The following ZNF804B variants were observed in gnomAD, a reference collection of about 807,000 sequenced individuals.
ZNF804B encodes the protein zinc finger protein 804B.
A neutral mutation model predicts 101.4 loss-of-function variants in ZNF804B; 80 were observed. That is an observed-to-expected ratio of 0.79 (90% CI 0.66 to 0.95). ZNF804B has a LOEUF of 0.95. Ranked by LOEUF, ZNF804B falls within the 40% of genes least tolerant of loss-of-function variation. The probability of loss-of-function intolerance (pLI) is 0.00; values close to 1 mark genes in which losing one functional copy is unlikely to be tolerated. For missense variants in ZNF804B, 1,673 were observed against 1,561.9 expected (o/e 1.07, Z -1.20); for synonymous variants, 622 against 558.8 (o/e 1.11, Z -1.59).
chr7:89,263,783 C>G (rs1789744408), intron 2 of ZNF804B, among the ~76,000 whole-genome samples: 3 of 152,116 alleles, frequency 2.0e-5, no homozygotes, highest in Admixed American at 6.5e-5. Flanking sequence ...AGCCAAGGAA[C>G]TCCATTAACC....
intron 1 of ZNF804B, among the ~76,000 whole-genome samples, chr7:88,886,090 T>C (rs1042391500): frequency 5.3e-5 from 8 of 152,082 alleles, no homozygotes; most frequent in Admixed American, 1.3e-4. Flanking sequence ...ATGAACATAA[T>C]TTAGGAGACG....
rs548551826 is a variant in ZNF804B, at chr7:89,164,639, C to G, written c.109-53516C>G. On this transcript the variant is annotated intron_variant, in intron 1 of 3. Coordinates refer to ENST00000333190, the MANE Select transcript of ZNF804B (RefSeq NM_181646.5). Reference sequence around the variant, plus strand: ...CTGTCCACCATGTCTTTAAACAATACTGAAAATATGTTCCCATGTGTTTAC... The same window carrying G: ...CTGTCCACCATGTCTTTAAACAATAGTGAAAATATGTTCCCATGTGTTTAC... Among the ~76,000 whole-genome samples, 16 of 152,224 alleles carry G rather than the reference C, an allele frequency of 1.1e-4. No homozygotes were observed. In the East Asian group the frequency reaches 3.1e-3, roughly 29 times the overall value.
chr7:89,210,331 A>G (rs1242896737), intron 1 of ZNF804B, among the ~76,000 whole-genome samples: 1 of 152,140 alleles, frequency 6.6e-6, no homozygotes, highest in Non-Finnish European at 1.5e-5. Flanking sequence ...TAAATTTGCT[A>G]GCTTTATTTT....
intron 1 of ZNF804B, among the ~76,000 whole-genome samples, chr7:89,049,917 C>G (rs887983919): frequency 6.6e-6 from 1 of 152,112 alleles, no homozygotes; most frequent in African/African-American, 2.4e-5. Flanking sequence ...GAGGTTGAGG[C>G]AGGAGAATCA....
chr7:88,918,289 G>A (rs1792665646), intron 1 of ZNF804B, among the ~76,000 whole-genome samples: 3 of 152,012 alleles, frequency 2.0e-5, no homozygotes, highest in African/African-American at 7.2e-5. Context: ...AGAATTATTG[G>A]CACTATTTGA....
At chr7:88,858,060 T>C (rs900134134) in intron 1 of ZNF804B, among the ~76,000 whole-genome samples, 1 of 152,022 alleles carries the variant, frequency 6.6e-6, no homozygotes, top group Admixed American at 6.6e-5. Flanking sequence ...TGACCTCAGG[T>C]GATCTGCCCA....
intron 1 of ZNF804B, among the ~76,000 whole-genome samples, chr7:88,985,194 G>T (rs1163885057): frequency 6.7e-6 from 1 of 148,240 alleles, no homozygotes; most frequent in East Asian, 2.0e-4. Context: ...AAAAATTATT[G>T]AAAACTGGAT....
In ZNF804B at chr7:89,260,268, A is replaced by G. The variant is rs1398135500; in HGVS notation, c.249+41973A>G. On this transcript the variant is annotated intron_variant, in intron 2 of 3. Coordinates refer to ENST00000333190, the MANE Select transcript of ZNF804B (RefSeq NM_181646.5). ...AAACCCAAGTGCATTTACAGTAAAC[A>G]GTAAAGTTAGCCTATCCCTTCTTGT... is the stretch of plus-strand genomic sequence containing the variant. Among the ~76,000 whole-genome samples, 10 of 152,300 alleles carry G rather than the reference A, an allele frequency of 6.6e-5. No homozygotes were observed. In the South Asian group the frequency reaches 8.3e-4, roughly 13 times the overall value.
At chr7:88,888,071 C>T (rs910199095) in intron 1 of ZNF804B, among the ~76,000 whole-genome samples, 7 of 152,046 alleles carry the variant, frequency 4.6e-5, no homozygotes, top group African/African-American at 1.7e-4. Flanking sequence ...AGATGGACAT[C>T]ATTATGCCCA....
At chr7:89,252,028 A>C (rs571938569) in intron 2 of ZNF804B, among the ~76,000 whole-genome samples, 19 of 152,286 alleles carry the variant, frequency 1.2e-4, no homozygotes, top group African/African-American at 4.6e-4. Context: ...CCTAAAATCA[A>C]TTGCAACAAA....
intron 2 of ZNF804B, among the ~76,000 whole-genome samples, chr7:89,228,280 A>C (rs1448547896): frequency 2.0e-5 from 3 of 152,108 alleles, no homozygotes; most frequent in Non-Finnish European, 4.4e-5. Context: ...CGCAAGAACA[A>C]AGCTTCCACA....
At chr7:88,819,347 C>T (rs62462048) in intron 1 of ZNF804B, among the ~76,000 whole-genome samples, 13,805 of 151,904 alleles carry the variant, frequency 0.091, 732 homozygotes, top group East Asian at 0.26. Flanking sequence ...GTGAGGCTGG[C>T]CTCGAACTCC....
intron 1 of ZNF804B, among the ~76,000 whole-genome samples, chr7:89,213,900 T>C (rs7794752): frequency 0.29 from 43,779 of 152,174 alleles, 6,497 homozygotes; most frequent in South Asian, 0.35. Flanking sequence ...CATTTCTAGT[T>C]TACAATGTAG....
At chr7:88,914,468 G>C (rs1420542344) in intron 1 of ZNF804B, among the ~76,000 whole-genome samples, 1 of 152,068 alleles carries the variant, frequency 6.6e-6, no homozygotes, top group Admixed American at 6.6e-5. Context: ...ACTTGAAGTG[G>C]AATACCAATT....
intron 2 of ZNF804B, among the ~76,000 whole-genome samples, chr7:89,293,285 G>C (rs1170118141): frequency 6.6e-6 from 1 of 152,006 alleles, no homozygotes; most frequent in African/African-American, 2.4e-5. Flanking sequence ...CAAAAAAGAT[G>C]AGTATTTGAG....
intron 1 of ZNF804B, among the ~76,000 whole-genome samples, chr7:89,125,328 A>G (rs1440678959): frequency 6.6e-6 from 1 of 151,942 alleles, no homozygotes; most frequent in Admixed American, 6.6e-5. Flanking sequence ...ATTGATATGA[A>G]TGTATATATA....
At chr7:88,815,223 T>A (rs7807961) in intron 1 of ZNF804B, among the ~76,000 whole-genome samples, 64,702 of 147,510 alleles carry the variant, frequency 0.44, 15,021 homozygotes, top group East Asian at 0.79. Context: ...TATAACATTT[T>A]AAAAGTTATT....
chr7:89,206,185 C>A (rs935956605), intron 1 of ZNF804B, among the ~76,000 whole-genome samples: 9 of 152,192 alleles, frequency 5.9e-5, no homozygotes, highest in African/African-American at 1.9e-4. Flanking sequence ...GCCCATAAAA[C>A]CATTTTTCCC....
intron 1 of ZNF804B, among the ~76,000 whole-genome samples, chr7:88,872,548 C>T (rs1791845263): frequency 6.6e-6 from 1 of 151,722 alleles, no homozygotes; most frequent in Non-Finnish European, 1.5e-5. Context: ...ATACATGTGC[C>T]ATGCTGGTGC....
Sources: gnomAD v4.1 joint callset for allele counts (sites outside exome capture counted in the v4.1 genomes callset) on GRCh38, gnomAD v4.1.1 for gene constraint, MANE v1.5 for transcripts, NCBI Gene and HGNC (gene_info 2026-07-23, HGNC 2026-07-21) for gene names.